The following CAMTA1 variants were observed in gnomAD, a reference collection of about 807,000 sequenced individuals.
CAMTA1 encodes the protein calmodulin binding transcription activator 1.
Under a neutral mutation model 170.9 loss-of-function variants are expected in CAMTA1, and 27 were observed. The ratio of observed to expected loss-of-function variants is 0.16; its 90% confidence interval spans 0.12 to 0.22. The LOEUF (loss-of-function observed/expected upper bound fraction) is 0.22. Ranked by LOEUF, CAMTA1 falls within the 10% of genes least tolerant of loss-of-function variation. CAMTA1 has a pLI of 1.00. For missense variants in CAMTA1, 1,619 were observed against 2,217.2 expected, an observed-to-expected ratio of 0.73 and a Z score of 5.42; for synonymous variants, 833 against 891.5, an observed-to-expected ratio of 0.93 and a Z score of 1.17.
intron 5 of CAMTA1, chr1:7,370,273 A>G (rs1459688922): frequency 6.6e-6 from 1 of 152,260 alleles, no homozygotes; most frequent in Non-Finnish European, 1.5e-5. Flanking sequence ...ACATGGAACA[A>G]TGCAGCTTGG....
At chr1:7,751,478 G>T in intron 20 of CAMTA1, 86 bp downstream of exon 20, 1 of 1,234,268 alleles carries the variant, frequency 8.1e-7, no homozygotes, top group Non-Finnish European at 1.1e-6. Flanking sequence ...GGCTGACATT[G>T]GAGTCTGGGG....
intron 5 of CAMTA1, among the ~76,000 whole-genome samples, chr1:7,448,253 T>C (rs972163539): frequency 1.3e-5 from 2 of 152,146 alleles, no homozygotes; most frequent in African/African-American, 4.8e-5. Context: ...GGCTCTCCCC[T>C]CCAGAATTCT....
chr1:6,996,285 T>A (rs1697235785), intron 3 of CAMTA1, among the ~76,000 whole-genome samples: 1 of 152,238 alleles, frequency 6.6e-6, no homozygotes, highest in Non-Finnish European at 1.5e-5. Flanking sequence ...TTGTGAATGA[T>A]ACGTTGCAGA....
chr1:7,110,199 G>T (rs1472715640), intron 4 of CAMTA1, among the ~76,000 whole-genome samples: 3 of 152,112 alleles, frequency 2.0e-5, no homozygotes, highest in African/African-American at 4.8e-5. Flanking sequence ...GGGGCATCCT[G>T]TTAACAAGAA....
intron 5 of CAMTA1, among the ~76,000 whole-genome samples, chr1:7,408,446 G>A (rs1344514176): frequency 6.6e-6 from 1 of 152,210 alleles, no homozygotes; most frequent in African/African-American, 2.4e-5. Flanking sequence ...CTCCTGCCAG[G>A]TGTGCTGTCT....
intron 6 of CAMTA1, among the ~76,000 whole-genome samples, chr1:7,550,408 G>A (rs1209900707): frequency 6.6e-6 from 1 of 151,774 alleles, no homozygotes; most frequent in East Asian, 2.0e-4. Flanking sequence ...GGAAGCCCAG[G>A]GCCTCCCACT....
chr1:7,723,667 A>G (rs971174787), intron 11 of CAMTA1, among the ~76,000 whole-genome samples: 2 of 152,198 alleles, frequency 1.3e-5, no homozygotes, highest in Admixed American at 1.3e-4. Flanking sequence ...GGACATCATT[A>G]TACCTCTGAT....
At chr1:7,647,407 A>G (rs963710444) in intron 7 of CAMTA1, among the ~76,000 whole-genome samples, 1 of 152,182 alleles carries the variant, frequency 6.6e-6, no homozygotes, top group Non-Finnish European at 1.5e-5. Context: ...CTGGTCGACC[A>G]GCGCCACCTG....
At position 7,243,543 on chromosome 1, in the gene CAMTA1, C is replaced by T. The variant is rs866625209; in HGVS notation, c.303-5948C>T. Among the ~76,000 whole-genome samples the T allele has an allele frequency of 1.8e-4, 27 of 152,250 alleles. No individual in the cohort carries two copies. The South Asian group carries it at 2.1e-3, about 12-fold the overall frequency. On this transcript the variant is annotated intron_variant, in intron 4 of 22. Transcript: ENST00000303635. ...GTCAAAGATCAGATAGTTGTAGATA[C>T]GCAGCATTATTTCTGAGGGCTCTGT... is the stretch of plus-strand genomic sequence containing the variant.
intron 3 of CAMTA1, among the ~76,000 whole-genome samples, chr1:6,961,135 C>G (rs1420830226): frequency 6.6e-6 from 1 of 152,226 alleles, no homozygotes; most frequent in East Asian, 1.9e-4. Context: ...CTTCTTTTCC[C>G]TAACTTGTCT....
At chr1:7,181,589 A>G (rs984629410) in intron 4 of CAMTA1, among the ~76,000 whole-genome samples, 3 of 152,168 alleles carry the variant, frequency 2.0e-5, no homozygotes, top group Admixed American at 6.6e-5. Context: ...ATAAATAAGA[A>G]CCACATAAAT....
intron 3 of CAMTA1, among the ~76,000 whole-genome samples, chr1:6,989,370 G>T (rs926304366): frequency 1.3e-5 from 2 of 152,188 alleles, no homozygotes; most frequent in Non-Finnish European, 2.9e-5. Context: ...ATTTACATGC[G>T]CTCTGCCAGA....
intron 4 of CAMTA1, among the ~76,000 whole-genome samples, chr1:7,112,099 G>A (rs567827480): frequency 3.9e-4 from 59 of 152,222 alleles, no homozygotes; most frequent in African/African-American, 1.4e-3. Context: ...CTTATCTGGA[G>A]CCTTTGTAGG....
At chr1:6,992,294 A>T (rs997294235) in intron 3 of CAMTA1, among the ~76,000 whole-genome samples, 6 of 149,542 alleles carry the variant, frequency 4.0e-5, no homozygotes, top group Admixed American at 1.3e-4. Flanking sequence ...CTCGACTTGA[A>T]CTCCTGGGCT....
At chr1:7,188,618 C>T (rs1265480488) in intron 4 of CAMTA1, among the ~76,000 whole-genome samples, 1 of 152,212 alleles carries the variant, frequency 6.6e-6, no homozygotes, top group Non-Finnish European at 1.5e-5. Flanking sequence ...CTTCAGGGTT[C>T]ATCCATGTTG....
chr1:7,402,645 G>A (rs2089990243), intron 5 of CAMTA1, among the ~76,000 whole-genome samples: 1 of 152,168 alleles, frequency 6.6e-6, no homozygotes, highest in Non-Finnish European at 1.5e-5. Flanking sequence ...TTTCTTTGTG[G>A]TTTGCAGTTG....
At chr1:7,341,787 G>A (rs776805616) in intron 5 of CAMTA1, among the ~76,000 whole-genome samples, 21 of 152,220 alleles carry the variant, frequency 1.4e-4, no homozygotes, top group Non-Finnish European at 2.2e-4. Context: ...ACTCAAAATC[G>A]TGACTGTCTT....
intron 4 of CAMTA1, among the ~76,000 whole-genome samples, chr1:7,208,639 C>T (rs1328612665): frequency 1.3e-5 from 2 of 152,150 alleles, no homozygotes; most frequent in African/African-American, 4.8e-5. Flanking sequence ...GCTTAAATTG[C>T]CCAGTGTTCA....
chr1:7,433,665 G>A (rs949223721), intron 5 of CAMTA1, among the ~76,000 whole-genome samples: 5 of 152,302 alleles, frequency 3.3e-5, no homozygotes, highest in South Asian at 2.1e-4. Flanking sequence ...CATACTGCAC[G>A]GTTCCATTTA....
Sources: gnomAD v4.1 joint callset for allele counts (sites outside exome capture counted in the v4.1 genomes callset) on GRCh38, gnomAD v4.1.1 for gene constraint, MANE v1.5 for transcripts, NCBI Gene and HGNC (gene_info 2026-07-23, HGNC 2026-07-21) for gene names.